The following CEP72 variants were observed in gnomAD, a reference collection of about 807,000 sequenced individuals.
CEP72 encodes centrosomal protein 72.
CEP72 carries 78 observed loss-of-function variants against 65.7 expected under a neutral mutation model. The ratio of observed to expected loss-of-function variants is 1.19; its 90% CI spans 0.99 to 1.43. The LOEUF is 1.43. Ranked by LOEUF, CEP72 falls within the 40% of genes most tolerant of loss-of-function variation. The pLI is 0.00. For synonymous variants in CEP72, 358 were observed against 351.7 expected, an observed-to-expected ratio of 1.02 and a Z score of -0.20; for missense variants, 914 against 832.9, an observed-to-expected ratio of 1.10 and a Z score of -1.20.
chr5:673,686 G>T, the CEP72 span, among the ~76,000 whole-genome samples: 1 of 152,208 alleles, frequency 6.6e-6, no homozygotes, highest in South Asian at 2.1e-4. Context: ...AGCCAAGGCT[G>T]GCACACCCCA....
chr5:623,095 G>A lies in CEP72; in HGVS notation c.404-1376G>A, dbSNP rs6887301. ...TAGTGTTTCTGCAGAGAAGGAGCGC[G>A]ACCGTCTCCCTCTTAGTGTTTCTGC... On this transcript the variant is annotated intron_variant, in intron 3 of 11. Coordinates refer to ENST00000264935, the MANE Select transcript of CEP72 (RefSeq NM_018140.4). This position sits in a 1 kb window ranked among gnomAD's most constrained non-coding sequence, Gnocchi z 5.3. Among the ~76,000 whole-genome samples the A allele has an allele frequency of 4.9e-3, 740 of 151,006 alleles. 7 individuals are homozygous for A. Among genetic ancestry groups the A allele is most frequent in the African/African-American group, 0.014 (573 of 41,114 alleles).
At chr5:665,974 A>AC in exon 4 of CEP72, 1 of 1,289,726 alleles carries the variant, frequency 7.8e-7, no homozygotes, top group African/African-American at 2.0e-5. Flanking sequence ...GCTCACCGTC[A>AC]CCCCTGAGAT....
At chr5:647,376 C>T (rs1449051055) in intron 10 of CEP72, among the ~76,000 whole-genome samples, 2 of 152,274 alleles carry the variant, frequency 1.3e-5, no homozygotes, top group African/African-American at 4.8e-5. Context: ...GTTGCAGAGT[C>T]AGAGGGCACT....
chr5:672,247 G>A, the CEP72 span, among the ~76,000 whole-genome samples: 8 of 152,114 alleles, frequency 5.3e-5, no homozygotes, highest in African/African-American at 9.7e-5. Context: ...CTCCACGCTC[G>A]GGGCAACCGC....
At chr5:627,885 A>C (rs967655915) in intron 4 of CEP72, among the ~76,000 whole-genome samples, 1 of 152,238 alleles carries the variant, frequency 6.6e-6, no homozygotes, top group Non-Finnish European at 1.5e-5. Context: ...ACTGATGAAA[A>C]GAAAGGGAGT....
intron 9 of CEP72, chr5:641,100 G>C (rs1163952576): frequency 3.0e-6 from 3 of 985,332 alleles, no homozygotes; most frequent in Non-Finnish European, 3.6e-6. Flanking sequence ...GCTCAGCCAG[G>C]CTCCCTCCTT....
chr5:665,166 G>A (rs781693901), intron 2 of CEP72: 8 of 1,613,584 alleles, frequency 5.0e-6, no homozygotes, highest in East Asian at 2.2e-5. Flanking sequence ...CACATAGCCT[G>A]ACTCGTCCAC....
intron 10 of CEP72, among the ~76,000 whole-genome samples, chr5:644,762 T>C (rs947352487): frequency 6.6e-6 from 1 of 152,152 alleles, no homozygotes; most frequent in Non-Finnish European, 1.5e-5. Context: ...CTGTCTGGCG[T>C]CCTCCCATGG....
chr5:668,733 T>C (rs189759480), downstream of CEP72, among the ~76,000 whole-genome samples: 43 of 152,254 alleles, frequency 2.8e-4, no homozygotes, highest in African/African-American at 9.4e-4. Flanking sequence ...TAAACGCAAA[T>C]GTTTACCACT....
intron 11 of CEP72, among the ~76,000 whole-genome samples, chr5:648,571 G>A (rs1738604404): frequency 6.8e-6 from 1 of 146,760 alleles, no homozygotes; most frequent in Non-Finnish European, 1.5e-5. Flanking sequence ...TGTGGACTGT[G>A]AGGTGTGACT....
At chr5:643,054 C>G (rs970981982) in intron 9 of CEP72, 8 of 984,944 alleles carry the variant, frequency 8.1e-6, no homozygotes, top group Non-Finnish European at 9.6e-6. Context: ...GGCCTAGACT[C>G]CAAAAAATAA....
chr5:665,968 A>T (rs1276381529), exon 4 of CEP72: 6 of 1,259,716 alleles, frequency 4.8e-6, no homozygotes, highest in Non-Finnish European at 6.1e-6. Flanking sequence ...CGCCCTGCTC[A>T]CCGTCACCCC....
intron 4 of CEP72, among the ~76,000 whole-genome samples, chr5:629,277 A>G (rs1737045073): frequency 6.6e-6 from 1 of 152,274 alleles, no homozygotes; most frequent in Admixed American, 6.5e-5. Flanking sequence ...GTGAAAGTGA[A>G]CATTTGGAAC....
At chr5:675,244 A>C in the CEP72 span, among the ~76,000 whole-genome samples, 3 of 9,684 alleles carry the variant, frequency 3.1e-4, no homozygotes, top group Admixed American at 1.4e-3. Flanking sequence ...GGTGCAGTGC[A>C]GGGGGTACAG....
Position 653,430 on chromosome 5 carries a change from A to G in CEP72, c.*277A>G, listed in dbSNP as rs781044635. On this transcript the variant is annotated 3_prime_UTR_variant, in exon 12 of 12. Coordinates refer to ENST00000264935, the MANE Select transcript of CEP72 (RefSeq NM_018140.4). ...TATTAATCTTGTATCCAGTATCCTG[A>G]GATGAAGTAAATGCAGTGTTCTACT... The G allele has an allele frequency of 2.0e-5, 6 of 298,018 alleles. No homozygotes were observed. The highest frequency in any genetic ancestry group is 3.7e-5 in the Non-Finnish European group (6 of 162,296). 18.5% of individuals were successfully genotyped at this position (298,018 alleles called of 1,614,324 possible). A position where few individuals can be genotyped will look rare whatever the true frequency, so the allele number is the denominator to read the frequency against.
At chr5:644,246 C>A in intron 9 of CEP72, 53 bp from the exon 10 acceptor site, 1 of 1,589,630 alleles carries the variant, frequency 6.3e-7, no homozygotes, top group Non-Finnish European at 8.6e-7. Flanking sequence ...ACTTTCTATA[C>A]GCATTTTACT....
At chr5:666,149 CTG>C (rs1491549882) in intron 4 of CEP72, 4 of 1,604,154 alleles carry the variant, frequency 2.5e-6, no homozygotes, top group Non-Finnish European at 2.5e-6. Context: ...CGACTTAGGG[CTG>C]GGCGCGGGCC....
intron 11 of CEP72, among the ~76,000 whole-genome samples, chr5:648,821 C>A (rs1738650301): frequency 5.2e-5 from 6 of 116,104 alleles, no homozygotes; most frequent in African/African-American, 3.5e-5. Context: ...TGAGGTGTGA[C>A]TGTGAGGTGT....
chr5:670,448 G>C (rs571788921), downstream of CEP72, among the ~76,000 whole-genome samples: 11 of 152,112 alleles, frequency 7.2e-5, no homozygotes, highest in Admixed American at 5.2e-4. Flanking sequence ...GTACTTAGGC[G>C]AGTCTGAGAG....
Sources: gnomAD v4.1 joint callset for allele counts (sites outside exome capture counted in the v4.1 genomes callset) on GRCh38, gnomAD v4.1.1 for gene constraint, Gnocchi (gnomAD v3.1) non-coding constraint, MANE v1.5 for transcripts, NCBI Gene and HGNC (gene_info 2026-07-23, HGNC 2026-07-21) for gene names.